ATP6V1G3: variants seen among roughly 807,000 people sequenced by gnomAD.
ATP6V1G3 encodes the protein ATPase H+ transporting V1 subunit G3.
A neutral mutation model predicts 9.3 loss-of-function variants in ATP6V1G3; 9 were observed. That is an observed-to-expected ratio of 0.97 (90% CI 0.59 to 1.69). ATP6V1G3 has a LOEUF of 1.69. Ranked by LOEUF, ATP6V1G3 falls within the 40% of genes most tolerant of loss-of-function variation. The pLI is 0.00. For synonymous variants in ATP6V1G3, 43 were observed against 43.8 expected (o/e 0.98, Z 0.07); for missense variants, 133 against 139.0 (o/e 0.96, Z 0.22).
At chr1:198,538,772 G>A (rs1057170734) in intron 1 of ATP6V1G3, among the ~76,000 whole-genome samples, 5 of 151,530 alleles carry the variant, frequency 3.3e-5, no homozygotes, top group African/African-American at 9.7e-5. Flanking sequence ...GTGTGGTGGC[G>A]TGTGTCTGTG....
At chr1:198,534,601 G>A (rs574558587) in intron 1 of ATP6V1G3, among the ~76,000 whole-genome samples, 5 of 152,294 alleles carry the variant, frequency 3.3e-5, no homozygotes, top group Admixed American at 1.3e-4. Flanking sequence ...TGCTAGTTGA[G>A]CATTGGAGAC....
chr1:198,533,072 G>A (rs188800754), intron 1 of ATP6V1G3, among the ~76,000 whole-genome samples: 76 of 152,254 alleles, frequency 5.0e-4, no homozygotes, highest in Admixed American at 2.0e-4. Flanking sequence ...TTGGGAGGCT[G>A]AGGCAGGTGG....
intron 1 of ATP6V1G3, 115 bp downstream of exon 1, chr1:198,540,454 G>C (rs903450613): frequency 2.0e-6 from 2 of 987,758 alleles, no homozygotes; most frequent in African/African-American, 3.2e-5. Flanking sequence ...GTCTCACAGG[G>C]AGTACAGTAA....
chr1:198,537,841 T>A (rs770056711), intron 1 of ATP6V1G3, among the ~76,000 whole-genome samples: 1 of 152,142 alleles, frequency 6.6e-6, no homozygotes, highest in Admixed American at 6.6e-5. Context: ...TTGAATTAAA[T>A]AAATGAAACA....
chr1:198,534,046 C>T (rs1008857857), intron 1 of ATP6V1G3, among the ~76,000 whole-genome samples: 5 of 151,914 alleles, frequency 3.3e-5, no homozygotes, highest in African/African-American at 9.7e-5. Context: ...CAAAGGGGAA[C>T]AAAGAAAATA....
In ATP6V1G3 at chr1:198,523,475, A is replaced by G. The variant is rs1450468256; in HGVS notation, c.273T>C (p.Tyr91=). 4 of 1,613,600 alleles carry G rather than the reference A, an allele frequency of 2.5e-6. No homozygotes were observed. Among genetic ancestry groups the G allele is most frequent in the South Asian group, 1.1e-5 (1 of 91,054 alleles). The change falls in exon 3 of 3, where the codon TAT becomes TAC. Residue 91 remains tyrosine (Y), a synonymous_variant. Coordinates refer to ENST00000367382, the MANE Select transcript of ATP6V1G3 (RefSeq NM_001376861.1). Reference sequence around the variant, plus strand: ...AGAGCTGGTTCATCACACTTTCCATATACTTATTGTAGTGTCCATTAAGTT... The same window carrying G: ...AGAGCTGGTTCATCACACTTTCCATGTACTTATTGTAGTGTCCATTAAGTT... The part of the protein sequence containing the change: ...IQELNGHYNK[Y]MESVMNQLLS...
intron 1 of ATP6V1G3, among the ~76,000 whole-genome samples, chr1:198,531,954 G>A (rs1178954718): frequency 6.6e-6 from 1 of 151,776 alleles, no homozygotes; most frequent in Non-Finnish European, 1.5e-5. Flanking sequence ...GGGGCCTTTT[G>A]CTAAAAAAGA....
intron 1 of ATP6V1G3, among the ~76,000 whole-genome samples, chr1:198,530,827 T>C (rs537888992): frequency 6.6e-6 from 1 of 152,302 alleles, no homozygotes; most frequent in South Asian, 2.1e-4. Flanking sequence ...TCTATCTGTT[T>C]GTCATTTACA....
intron 1 of ATP6V1G3, among the ~76,000 whole-genome samples, chr1:198,532,992 A>G (rs1001202095): frequency 2.0e-5 from 3 of 152,296 alleles, no homozygotes. Flanking sequence ...AAGGCATGAC[A>G]TAATACTACT....
intron 1 of ATP6V1G3, among the ~76,000 whole-genome samples, chr1:198,535,603 A>G (rs1660078840): frequency 6.6e-6 from 1 of 152,114 alleles, no homozygotes; most frequent in Non-Finnish European, 1.5e-5. Flanking sequence ...TTGCAACAAA[A>G]TTCTTTTTAT....
chr1:198,529,018 A>G, intron 2 of ATP6V1G3, 63 bp downstream of exon 2: 2 of 749,268 alleles, frequency 2.7e-6, no homozygotes, highest in Non-Finnish European at 4.3e-6. Flanking sequence ...CCTATATTAA[A>G]CCTTATAAAT....
intron 2 of ATP6V1G3, among the ~76,000 whole-genome samples, chr1:198,527,210 G>T (rs1659689374): frequency 6.6e-6 from 1 of 152,140 alleles, no homozygotes; most frequent in Admixed American, 6.6e-5. Flanking sequence ...CTGACATATG[G>T]AGGTCATGCC....
At chr1:198,530,638 TATC>T (rs897519442) in intron 1 of ATP6V1G3, among the ~76,000 whole-genome samples, 4 of 152,172 alleles carry the variant, frequency 2.6e-5, no homozygotes, top group Non-Finnish European at 5.9e-5. Context: ...TAGCAATGCT[TATC>T]TTTATATTAA....
chr1:198,538,829 G>A (rs1041541368), intron 1 of ATP6V1G3, among the ~76,000 whole-genome samples: 1 of 145,362 alleles, frequency 6.9e-6, no homozygotes, highest in South Asian at 2.2e-4. Context: ...CCTGAGAGAT[G>A]GAGGTGGCAA....
intron 1 of ATP6V1G3, among the ~76,000 whole-genome samples, chr1:198,537,325 A>T (rs1366951039): frequency 6.6e-6 from 1 of 152,218 alleles, no homozygotes; most frequent in African/African-American, 2.4e-5. Flanking sequence ...GCATAATATA[A>T]AAATAACCAT....
chr1:198,538,899 A>AAAAAAAAAC, intron 1 of ATP6V1G3, among the ~76,000 whole-genome samples: 1 of 151,792 alleles, frequency 6.6e-6, no homozygotes, highest in Admixed American at 6.6e-5. Flanking sequence ...CTCAAAAAAA[A>AAAAAAAAAC]AAAAAAAGAA....
At chr1:198,535,488 G>A (rs1385183299) in intron 1 of ATP6V1G3, among the ~76,000 whole-genome samples, 1 of 151,612 alleles carries the variant, frequency 6.6e-6, no homozygotes, top group African/African-American at 2.4e-5. Context: ...CTGAATTACA[G>A]TATTATCTGA....
chr1:198,538,759 C>T lies in ATP6V1G3; in HGVS notation c.82+1810G>A, dbSNP rs56129723. Among the ~76,000 whole-genome samples, 1,072 of 151,500 alleles carry T rather than the reference C, an allele frequency of 7.1e-3. 17 individuals are homozygous for T. The highest frequency in any genetic ancestry group is 0.024 in the African/African-American group (997 of 41,296). On this transcript the variant is annotated intron_variant, in intron 1 of 2. Transcript: ENST00000367382. ...TCTCTACAAAAATACAAAAATTGGC[C>T]GGGTGTGGTGGCGTGTGTCTGTGGT...
chr1:198,534,864 T>C (rs1206326669), intron 1 of ATP6V1G3, among the ~76,000 whole-genome samples: 1 of 152,166 alleles, frequency 6.6e-6, no homozygotes, highest in East Asian at 1.9e-4. Context: ...AAAACCAACC[T>C]GATTCAAAGA....
Sources: gnomAD v4.1 joint callset for allele counts (sites outside exome capture counted in the v4.1 genomes callset) on GRCh38, gnomAD v4.1.1 for gene constraint, MANE v1.5 for transcripts, NCBI Gene and HGNC (gene_info 2026-07-23, HGNC 2026-07-21) for gene names.